TRIM40: variants seen among roughly 807,000 people sequenced by gnomAD.
The protein encoded by TRIM40 is tripartite motif containing 40.
A neutral mutation model predicts 26.1 loss-of-function variants in TRIM40; 27 were observed. The observed-to-expected ratio is 1.04, with a 90% CI of 0.76 to 1.43. The LOEUF (loss-of-function observed/expected upper bound fraction) is 1.43, where lower values mean the gene tolerates loss of function less well. Ranked by LOEUF, TRIM40 falls within the 40% of genes most tolerant of loss-of-function variation. The probability of loss-of-function intolerance (pLI) is 0.00; values close to 1 mark genes in which losing one functional copy is unlikely to be tolerated. For missense variants in TRIM40, 289 were observed against 307.9 expected (o/e 0.94, Z 0.46); for synonymous variants, 114 against 120.0 (o/e 0.95, Z 0.33).
intron 2 of TRIM40, among the ~76,000 whole-genome samples, chr6:30,143,094 C>CT (rs1771443227): frequency 2.6e-5 from 4 of 152,012 alleles, no homozygotes; most frequent in African/African-American, 9.7e-5. Flanking sequence ...AGAATCATGA[C>CT]TTTTGGGGGT....
Position 30,148,250 on chromosome 6 carries a change from G to T in TRIM40, c.*438G>T. 1 of 185,150 alleles carries T rather than the reference G, an allele frequency of 5.4e-6. No homozygotes were observed. The highest frequency in any genetic ancestry group is 1.1e-5 in the Non-Finnish European group (1 of 88,250). The allele number at this position is 185,150 out of a possible 1,614,324, so 11.5% of individuals were successfully genotyped here. A position where few individuals can be genotyped will look rare whatever the true frequency, so the allele number is the denominator to read the frequency against. ...ACTTGTTGTCTGTACCACTCACCTG[G>T]CACTTATTTATTATTGTTGTGGAAG... On this transcript the variant is annotated 3_prime_UTR_variant, in exon 6 of 6. Coordinates refer to ENST00000396581, the MANE Select transcript of TRIM40 (RefSeq NM_001286633.2).
intron 2 of TRIM40, among the ~76,000 whole-genome samples, chr6:30,145,082 C>A (rs1162377864): frequency 6.6e-5 from 10 of 152,096 alleles, no homozygotes; most frequent in African/African-American, 2.2e-4. Context: ...GCTGACCCCT[C>A]ACACACACAG....
At chr6:30,137,415 C>G (rs763477063) in intron 2 of TRIM40, 34 bp downstream of exon 2, 28 of 1,583,782 alleles carry the variant, frequency 1.8e-5, no homozygotes. Flanking sequence ...GGCCCTGCCT[C>G]CACCTCGCTG....
intron 2 of TRIM40, among the ~76,000 whole-genome samples, chr6:30,137,642 T>G (rs115530093): frequency 0.011 from 1,685 of 152,316 alleles, 25 homozygotes; most frequent in African/African-American, 0.034. Flanking sequence ...ATCTGTAGAA[T>G]AGAGTAATTG....
Position 30,147,811 on chromosome 6 carries a change from G to T in TRIM40, c.776G>T (p.Ter259LeuextTer63). The change falls in exon 6 of 6, where the codon TGA (stop) becomes TTA (leucine). Residue 259 changes from the stop codon to leucine, a stop_lost. Transcript: ENST00000396581. ...ELLLQPPQKL[*>L] ...CTTCTTCAGCCCCCTCAGAAGCTCT[G>T]ACCTGTTCATCCCTGGGACACCTCA... 1 of 1,613,998 alleles carries T rather than the reference G, an allele frequency of 6.2e-7. No homozygotes were observed. Among genetic ancestry groups the T allele is most frequent in the Non-Finnish European group, 8.5e-7 (1 of 1,179,870 alleles).
chr6:30,137,612 G>A (rs1342137209), intron 2 of TRIM40, among the ~76,000 whole-genome samples: 1 of 152,212 alleles, frequency 6.6e-6, no homozygotes, highest in Non-Finnish European at 1.5e-5. Context: ...TCAGTGTGAT[G>A]TTAGAGTCCC....
At chr6:30,137,905 G>C (rs1375778978) in intron 2 of TRIM40, among the ~76,000 whole-genome samples, 1 of 152,032 alleles carries the variant, frequency 6.6e-6, no homozygotes, top group Non-Finnish European at 1.5e-5. Flanking sequence ...TATCACAAAA[G>C]TTACATGCTG....
intron 2 of TRIM40, among the ~76,000 whole-genome samples, chr6:30,145,593 C>T (rs1771596054): frequency 6.6e-6 from 1 of 152,166 alleles, no homozygotes; most frequent in South Asian, 2.1e-4. Flanking sequence ...GCAGAGGTAG[C>T]AGAGGGTTGC....
chr6:30,147,685 T>C (rs1771754014), intron 5 of TRIM40, 40 bp from the exon 6 acceptor site: 7 of 1,609,732 alleles, frequency 4.3e-6, no homozygotes, highest in African/African-American at 1.3e-5. Flanking sequence ...ATGGAATATA[T>C]GAATACATAT....
chr6:30,147,165 G>T lies in TRIM40; in HGVS notation c.622G>T (p.Asp208Tyr), dbSNP rs758900424. 6.2e-7 allele frequency: 1 copy of T among 1,614,238 alleles called. No individual in the cohort carries two copies. Among genetic ancestry groups the T allele is most frequent in the Non-Finnish European group, 8.5e-7 (1 of 1,180,036 alleles). ...AACACAGCTCAGAAGCCTGGTCATT[G>T]ATCTGGAAAGGACGGCCAAGGAATT... is the stretch of plus-strand genomic sequence containing the variant. ...AVTQLRSLVI[D>Y]LERTAKELDT... The change falls in exon 4 of 6, where the codon GAT becomes TAT. Residue 208 changes from aspartate to tyrosine, a missense_variant. By Grantham distance (160) the Asp-to-Tyr change is radical (BLOSUM62 -3). Coordinates refer to ENST00000396581, the MANE Select transcript of TRIM40 (RefSeq NM_001286633.2).
chr6:30,147,478 A>T, intron 4 of TRIM40, 42 bp from the exon 5 acceptor site: 1 of 1,613,538 alleles, frequency 6.2e-7, no homozygotes, highest in Non-Finnish European at 8.5e-7. Flanking sequence ...GGTGATAGGA[A>T]CCTGAGAACC....
intron 2 of TRIM40, among the ~76,000 whole-genome samples, chr6:30,137,730 A>G (rs1408200293): frequency 6.6e-6 from 1 of 152,232 alleles, no homozygotes; most frequent in Non-Finnish European, 1.5e-5. Context: ...TTGGCTAGAA[A>G]TGTAATCAGG....
In TRIM40 at chr6:30,148,542, A is replaced by G. The variant is rs1450738286; in HGVS notation, c.*730A>G. 1 of 152,224 alleles carries G rather than the reference A, an allele frequency of 6.6e-6. No individual in the cohort carries two copies. The highest frequency in any genetic ancestry group is 1.9e-4 in the East Asian group (1 of 5,196). 9.4% of individuals were successfully genotyped at this position (152,224 alleles called of 1,614,324 possible). Reference sequence around the variant, plus strand: ...AGGCCCTCAGTCTTGTGGCTGCAAGAACCTGAATTCTGCCAACAACCCGAG... The same window carrying G: ...AGGCCCTCAGTCTTGTGGCTGCAAGGACCTGAATTCTGCCAACAACCCGAG... On this transcript the variant is annotated 3_prime_UTR_variant, in exon 6 of 6. Coordinates refer to ENST00000396581, the MANE Select transcript of TRIM40 (RefSeq NM_001286633.2).
intron 2 of TRIM40, among the ~76,000 whole-genome samples, chr6:30,138,066 TACACAC>T (rs9278588): frequency 0.015 from 1,674 of 112,498 alleles, 24 homozygotes; most frequent in African/African-American, 0.039. Context: ...AATGCACTCT[TACACAC>T]ACACACACAC....
chr6:30,144,993 G>A (rs1038951922), intron 2 of TRIM40, among the ~76,000 whole-genome samples: 2 of 152,078 alleles, frequency 1.3e-5, no homozygotes, highest in Admixed American at 1.3e-4. Flanking sequence ...ACCCAGTGAC[G>A]TGACACGTTT....
chr6:30,137,965 A>T (rs1016400393), intron 2 of TRIM40, among the ~76,000 whole-genome samples: 2 of 152,142 alleles, frequency 1.3e-5, no homozygotes, highest in Non-Finnish European at 2.9e-5. Context: ...AAGACTAAAA[A>T]TTTGTCTTCC....
rs148750598 is a variant in TRIM40, at chr6:30,136,712, T to C, written c.-304-21T>C. Reference sequence around the variant, plus strand: ...TCAAGAGGAAAACAGAATTGGTTATTGAATCACTTGCTTCCTCTAGGTGTA... The same window carrying C: ...TCAAGAGGAAAACAGAATTGGTTATCGAATCACTTGCTTCCTCTAGGTGTA... On this transcript the variant is annotated intron_variant, in intron 1 of 5. Transcript: ENST00000396581. 6.1e-4 allele frequency: 223 copies of C among 367,746 alleles called. 1 individual carries two copies. The highest frequency in any genetic ancestry group is 4.0e-3 in the African/African-American group (193 of 48,428). 22.8% of individuals were successfully genotyped at this position (367,746 alleles called of 1,614,324 possible). A position where few individuals can be genotyped will look rare whatever the true frequency, so the allele number is the denominator to read the frequency against.
chr6:30,138,821 T>C (rs1044115034), intron 2 of TRIM40, among the ~76,000 whole-genome samples: 11 of 152,220 alleles, frequency 7.2e-5, no homozygotes, highest in African/African-American at 2.7e-4. Flanking sequence ...TTTGAGATAC[T>C]TGACTTTTGG....
At position 30,137,186 on chromosome 6, in the gene TRIM40, C is replaced by T; in HGVS notation, c.150C>T (p.Val50=). ...QHVEKASASG[V]FCCPLCRKPC... ...TGGAGAAGGCCTCAGCCTCTGGGGT[C>T]TTCTGCTGCCCCCTCTGCCGGAAGC... Residue 50 remains valine, a synonymous_variant, in exon 2 of 6, where the codon GTC becomes GTT. Transcript: ENST00000396581. 1.2e-6 allele frequency: 2 copies of T among 1,613,060 alleles called. No homozygotes were observed. The highest frequency in any genetic ancestry group is 1.7e-6 in the Non-Finnish European group (2 of 1,180,028).
Sources: gnomAD v4.1 joint callset for allele counts (sites outside exome capture counted in the v4.1 genomes callset) on GRCh38, gnomAD v4.1.1 for gene constraint, MANE v1.5 for transcripts, NCBI Gene and HGNC (gene_info 2026-07-23, HGNC 2026-07-21) for gene names.